Variants in LDB3 observed in about 807,000 individuals in gnomAD.
LDB3 encodes the protein LIM domain binding 3.
Under a neutral mutation model 69.0 loss-of-function variants are expected in LDB3, and 49 were observed. The observed-to-expected ratio is 0.71, with a 90% CI of 0.56 to 0.90. LDB3 has a LOEUF of 0.90. Among genes scored for constraint, LDB3 ranks in the 40% least tolerant of loss-of-function variants. The pLI, the probability that LDB3 is intolerant of heterozygous loss-of-function variation, is 0.00. For missense variants in LDB3, 928 were observed against 974.1 expected (o/e 0.95, Z 0.63); for synonymous variants, 387 against 396.2 (o/e 0.98, Z 0.28).
chr10:86,682,634 G>A (rs1211163524), intron 5 of LDB3, among the ~76,000 whole-genome samples: 1 of 152,178 alleles, frequency 6.6e-6, no homozygotes, highest in African/African-American at 2.4e-5. Flanking sequence ...TCCAGGCAGG[G>A]CAGGCTGAGT....
intron 7 of LDB3, among the ~76,000 whole-genome samples, chr10:86,702,926 G>A (rs1846316947): frequency 6.6e-6 from 1 of 152,140 alleles, no homozygotes; most frequent in Admixed American, 6.5e-5. Flanking sequence ...TGCATACCCA[G>A]GTATACCTGG....
chr10:86,721,289 C>G (rs552191882), intron 12 of LDB3, among the ~76,000 whole-genome samples: 1 of 152,250 alleles, frequency 6.6e-6, no homozygotes, highest in African/African-American at 2.4e-5. Context: ...TGAGGTGAAA[C>G]TTCATTTTTA....
rs150175642 is a variant in LDB3 at position 86,729,711 on chromosome 10, T to G, written c.2095-3176T>G. Reference sequence around the variant, plus strand: ...CCAAGAAGACACTGGGCACAACTCCTTATGAGGGTTCCCACCCTCAGCCCC... The same window carrying G: ...CCAAGAAGACACTGGGCACAACTCCGTATGAGGGTTCCCACCCTCAGCCCC... On this transcript the variant is annotated intron_variant, in intron 13 of 13. Transcript: ENST00000361373. Among the ~76,000 whole-genome samples the G allele has an allele frequency of 2.4e-4, 37 of 152,320 alleles. No individual in the cohort carries two copies. The East Asian group carries it at 5.6e-3, about 23-fold the overall frequency.
intron 9 of LDB3, 113 bp from the exon 10 acceptor site, chr10:86,716,214 G>A (rs992089644): frequency 1.6e-6 from 2 of 1,260,802 alleles, no homozygotes; most frequent in Non-Finnish European, 2.3e-6. Context: ...AACTGAAATT[G>A]TACTGCTCTA....
At chr10:86,688,985 T>C (rs1845635102) in intron 5 of LDB3, among the ~76,000 whole-genome samples, 1 of 151,484 alleles carries the variant, frequency 6.6e-6, no homozygotes, top group African/African-American at 2.4e-5. Flanking sequence ...CTGGAAAGGG[T>C]CCTCTTCTCC....
At chr10:86,732,533 G>T (rs1228119317) in intron 13 of LDB3, 2 of 457,664 alleles carry the variant, frequency 4.4e-6, no homozygotes, top group East Asian at 6.9e-5. Flanking sequence ...AGACAGTCTT[G>T]CTATGTTGCC....
At chr10:86,692,800 G>C (rs142280752) in intron 7 of LDB3, among the ~76,000 whole-genome samples, 4 of 152,350 alleles carry the variant, frequency 2.6e-5, no homozygotes, top group Non-Finnish European at 4.4e-5. Flanking sequence ...AAGAGCGAAG[G>C]CTCTGGGCTC....
chr10:86,717,829 T>G (rs1846931288), intron 10 of LDB3, 135 bp from the exon 11 acceptor site: 1 of 794,414 alleles, frequency 1.3e-6, no homozygotes, highest in Non-Finnish European at 2.0e-6. Flanking sequence ...TTCTCTGAAT[T>G]TCACATTACT....
chr10:86,685,723 T>C, intron 5 of LDB3: 3 of 1,613,914 alleles, frequency 1.9e-6, no homozygotes, highest in Non-Finnish European at 1.7e-6. Flanking sequence ...GGACAGCATG[T>C]GTGTGCGCTT....
At chr10:86,692,514 C>T (rs752957246) in intron 6 of LDB3, 21 bp from the exon 7 acceptor site, 2 of 1,613,896 alleles carry the variant, frequency 1.2e-6, no homozygotes, top group South Asian at 2.2e-5. Context: ...AGTCCCCTGA[C>T]CAGCTCCTTT....
chr10:86,699,764 AT>A lies in LDB3; in HGVS notation c.897-6766del. ...CCCACCATCCTCAGCTCCTGGCCTC[AT>A]CCCCTCCTAGAATGAGTCACCCGTA... On this transcript the variant is annotated intron_variant, in intron 7 of 13. Transcript: ENST00000361373. This position sits in a 1 kb window ranked among gnomAD's most constrained non-coding sequence, Gnocchi z 4.9. 1 of 1,092,238 alleles carries A rather than the reference AT, an allele frequency of 9.2e-7. No individual in the cohort carries two copies. Among genetic ancestry groups the A allele is most frequent in the Non-Finnish European group, 1.1e-6 (1 of 892,556 alleles). 67.7% of individuals were successfully genotyped at this position (1,092,238 alleles called of 1,614,324 possible).
intron 5 of LDB3, among the ~76,000 whole-genome samples, chr10:86,684,236 G>A (rs1022754556): frequency 2.8e-4 from 43 of 152,370 alleles, no homozygotes; most frequent in African/African-American, 9.9e-4. Flanking sequence ...CCCCTGGGCA[G>A]GTCTTACATC....
At chr10:86,728,557 C>T (rs1847340017) in intron 13 of LDB3, among the ~76,000 whole-genome samples, 1 of 148,564 alleles carries the variant, frequency 6.7e-6, no homozygotes, top group Admixed American at 6.7e-5. Context: ...GCTCTGTCAA[C>T]ATATAGCAAA....
chr10:86,678,415 C>T (rs972802221), intron 2 of LDB3, among the ~76,000 whole-genome samples: 3 of 149,864 alleles, frequency 2.0e-5, no homozygotes, highest in Non-Finnish European at 3.0e-5. Context: ...TCTCAGCTCA[C>T]GGCAACCTCT....
In LDB3 at chr10:86,733,077, G is replaced by C; in HGVS notation, c.*101G>C. The C allele has an allele frequency of 1.2e-6, 1 of 823,464 alleles. No individual in the cohort carries two copies. Among genetic ancestry groups the C allele is most frequent in the Non-Finnish European group, 2.1e-6 (1 of 484,100 alleles). The allele number at this position is 823,464 out of a possible 1,614,324, so 51.0% of individuals were successfully genotyped here. ...GTTTCTTCTGAGGGGAATGGGGAGA[G>C]AGAGGAAGCGACTGAGCCCTTTGGA... On this transcript the variant is annotated 3_prime_UTR_variant, in exon 14 of 14. Coordinates refer to ENST00000361373, the MANE Select transcript of LDB3 (RefSeq NM_007078.3).
Position 86,692,542 on chromosome 10 carries a change from C to A in LDB3, c.867C>A (p.Asp289Glu), listed in dbSNP as rs397517227. ...GCTCCTTTCTACCAACAGTGCAAGA[C>A]CCTGATGAAGAAGCTCTGCGAAGGT... The part of the protein sequence containing the change: ...AQMTGTEFMQ[D>E]PDEEALRRSS... Residue 289 changes from aspartate (D) to glutamate (E), a missense_variant, in exon 7 of 14, where the codon GAC (aspartate) becomes GAA (glutamate). Coordinates refer to ENST00000361373, the MANE Select transcript of LDB3 (RefSeq NM_007078.3). 6.2e-7 allele frequency: 1 copy of A among 1,614,182 alleles called. No individual in the cohort carries two copies.
chr10:86,687,395 G>A, intron 5 of LDB3: 1 of 960,584 alleles, frequency 1.0e-6, no homozygotes, highest in Non-Finnish European at 1.6e-6. Flanking sequence ...ATGGCCCTTG[G>A]AGGGGAGCCA....
intron 9 of LDB3, among the ~76,000 whole-genome samples, chr10:86,713,156 G>A (rs1311912933): frequency 2.0e-5 from 3 of 151,834 alleles, no homozygotes; most frequent in South Asian, 2.1e-4. Context: ...TTACACTAAC[G>A]GCACTTCTTG....
chr10:86,714,972 A>AC (rs1215613059), intron 9 of LDB3, among the ~76,000 whole-genome samples: 3 of 151,706 alleles, frequency 2.0e-5, no homozygotes, highest in East Asian at 3.9e-4. Flanking sequence ...GTCCCTACTC[A>AC]CCCCCAGCAC....
Sources: gnomAD v4.1 joint callset for allele counts (sites outside exome capture counted in the v4.1 genomes callset) on GRCh38, gnomAD v4.1.1 for gene constraint, Gnocchi (gnomAD v3.1) non-coding constraint, MANE v1.5 for transcripts, NCBI Gene and HGNC (gene_info 2026-07-23, HGNC 2026-07-21) for gene names.